Variants in GNB5 observed in about 807,000 individuals in gnomAD.
GNB5 encodes guanine nucleotide-binding protein subunit beta-5.
GNB5 carries 37 observed loss-of-function variants against 55.3 expected under a neutral mutation model. The observed-to-expected ratio is 0.67, with a 90% CI of 0.51 to 0.88. The LOEUF is 0.88. GNB5 is among the 40% of genes least tolerant of loss of function. The pLI, the probability that GNB5 is intolerant of heterozygous loss-of-function variation, is 0.00. For synonymous variants in GNB5, 219 were observed against 198.5 expected (o/e 1.10, Z -0.87); for missense variants, 476 against 515.3 (o/e 0.92, Z 0.74).
intron 3 of GNB5, among the ~76,000 whole-genome samples, chr15:52,173,981 C>G (rs1056252858): frequency 6.6e-6 from 1 of 152,182 alleles, no homozygotes; most frequent in Admixed American, 6.5e-5. Context: ...AAGGGACTTT[C>G]TAGATGTGAT....
chr15:52,179,711 C>G, intron 3 of GNB5, 57 bp downstream of exon 3: 3 of 1,180,198 alleles, frequency 2.5e-6, no homozygotes, highest in African/African-American at 1.6e-5. Context: ...GCCGTCCCCG[C>G]CCGGGAAGTG....
intron 3 of GNB5, among the ~76,000 whole-genome samples, chr15:52,161,627 T>C (rs2034335768): frequency 6.6e-6 from 1 of 152,200 alleles, no homozygotes; most frequent in South Asian, 2.1e-4. Flanking sequence ...GCCAGATCAA[T>C]GGGTCACAGA....
chr15:52,191,225 G>C (rs2034922616), intron 1 of GNB5, 97 bp downstream of exon 1: 1 of 152,140 alleles, frequency 6.6e-6, no homozygotes. Flanking sequence ...CCACCGCACA[G>C]AAAGACCTGC....
chr15:52,159,791 C>T (rs116248989), intron 3 of GNB5, among the ~76,000 whole-genome samples: 1,693 of 152,098 alleles, frequency 0.011, 23 homozygotes, highest in African/African-American at 0.039. Context: ...CAGTGCAGTG[C>T]GATGGTGGCT....
intron 2 of GNB5, chr15:52,180,332 G>C (rs1477925759): frequency 6.5e-6 from 1 of 152,674 alleles, no homozygotes; most frequent in Non-Finnish European, 1.5e-5. Flanking sequence ...TTGATTGCGG[G>C]CTGCGGGCCC....
chr15:52,132,894 C>G (rs1239265383), intron 9 of GNB5, among the ~76,000 whole-genome samples: 1 of 152,018 alleles, frequency 6.6e-6, no homozygotes, highest in Admixed American at 6.6e-5. Context: ...TTTCATGATC[C>G]TGGCCTCAAT....
In GNB5 at chr15:52,115,791, C is replaced by T. The variant is rs2033133187; in HGVS notation, c.*6966G>A. 1 of 152,242 alleles carries T rather than the reference C, an allele frequency of 6.6e-6. No homozygotes were observed. Among genetic ancestry groups the T allele is most frequent in the Admixed American group, 6.5e-5 (1 of 15,282 alleles). The allele number at this position is 152,242 out of a possible 1,614,324, so 9.4% of individuals were successfully genotyped here. ...CACAGAATTGTGCAATCACCACCAT[C>T]TAATTCAGTTCCCCCCGGAGAAACT... On this transcript the variant is annotated 3_prime_UTR_variant, in exon 13 of 13. Transcript: ENST00000261837.
At chr15:52,177,812 A>T (rs2141237942) in intron 3 of GNB5, among the ~76,000 whole-genome samples, 1 of 152,268 alleles carries the variant, frequency 6.6e-6, no homozygotes, top group East Asian at 1.9e-4. Flanking sequence ...GCTGCAGGGG[A>T]ATCAAGAGGG....
chr15:52,140,006 GT>G, intron 7 of GNB5: 1 of 1,191,538 alleles, frequency 8.4e-7, no homozygotes, highest in South Asian at 1.4e-5. Flanking sequence ...CACTGCACCA[GT>G]CAGTGGCCAC....
chr15:52,165,195 A>G (rs964510917), intron 3 of GNB5, among the ~76,000 whole-genome samples: 46 of 152,234 alleles, frequency 3.0e-4, no homozygotes, highest in Admixed American at 2.9e-3. Context: ...CAAAACCTCC[A>G]GTAAATATGG....
At position 52,134,394 on chromosome 15, in the gene GNB5, G is replaced by A. The variant is rs116130999; in HGVS notation, c.772-925C>T. On this transcript the variant is annotated intron_variant, in intron 8 of 12. Coordinates refer to ENST00000261837, the MANE Select transcript of GNB5 (RefSeq NM_016194.4). The stretch of plus-strand genomic sequence containing the variant: ...AAGCACCATCACACATCTGAGGAAG[G>A]CCCGCTGTGGGAGTTCAGCATCCCG... Among the ~76,000 whole-genome samples, 1,180 of 152,314 alleles carry A rather than the reference G, an allele frequency of 7.7e-3. 15 individuals carry two copies. Among genetic ancestry groups the A allele is most frequent in the African/African-American group, 0.027 (1,130 of 41,562 alleles).
At chr15:52,146,781 T>C (rs12438169) in intron 6 of GNB5, among the ~76,000 whole-genome samples, 21,887 of 146,490 alleles carry the variant, frequency 0.15, 1,939 homozygotes, top group Admixed American at 0.27. Context: ...GGTATTATTA[T>C]CACATTGCCC....
intron 10 of GNB5, among the ~76,000 whole-genome samples, chr15:52,126,514 T>C (rs1269834452): frequency 6.6e-6 from 1 of 152,212 alleles, no homozygotes; most frequent in Non-Finnish European, 1.5e-5. Flanking sequence ...TTTATTAACA[T>C]TAGGTTATAC....
chr15:52,157,465 C>T (rs1218107076), intron 3 of GNB5, among the ~76,000 whole-genome samples: 1 of 151,926 alleles, frequency 6.6e-6, no homozygotes, highest in Non-Finnish European at 1.5e-5. Flanking sequence ...AGGATGGTCT[C>T]GATCATCTGA....
intron 9 of GNB5, 36 bp downstream of exon 9, chr15:52,133,342 G>A (rs766889204): frequency 7.3e-7 from 1 of 1,377,770 alleles, no homozygotes; most frequent in Non-Finnish European, 1.0e-6. Context: ...AATGCCGGCA[G>A]AACAGAGAGG....
At chr15:52,183,843 T>G (rs952327722) in intron 2 of GNB5, among the ~76,000 whole-genome samples, 19 of 152,208 alleles carry the variant, frequency 1.2e-4, no homozygotes, top group African/African-American at 4.6e-4. Flanking sequence ...GCTGTGGGCA[T>G]TTTTGCTGCA....
chr15:52,183,026 C>T (rs1002284732), intron 2 of GNB5, among the ~76,000 whole-genome samples: 4 of 152,140 alleles, frequency 2.6e-5, no homozygotes. Context: ...GTGGTTTGTG[C>T]CTGTAACCTC....
intron 3 of GNB5, among the ~76,000 whole-genome samples, chr15:52,179,273 A>C (rs533305421): frequency 6.6e-6 from 1 of 152,274 alleles, no homozygotes; most frequent in Non-Finnish European, 1.5e-5. Context: ...AGAGGTTGGA[A>C]AAATGAGCTT....
At chr15:52,157,335 C>A (rs936400332) in intron 3 of GNB5, among the ~76,000 whole-genome samples, 2 of 151,716 alleles carry the variant, frequency 1.3e-5, no homozygotes, top group African/African-American at 4.8e-5. Flanking sequence ...CAACCTCTAC[C>A]TCCCGGGTTC....
Sources: allele counts gnomAD v4.1 joint callset (sites outside exome capture counted in the v4.1 genomes callset), GRCh38; gene constraint gnomAD v4.1.1; transcripts MANE v1.5; gene names NCBI Gene and HGNC (gene_info 2026-07-23, HGNC 2026-07-21).